Variants in C3orf20 observed in about 807,000 individuals in gnomAD.
C3orf20 encodes family with sequence similarity 149 member C.
Under a neutral mutation model 88.3 loss-of-function variants are expected in C3orf20, and 76 were observed. The observed-to-expected ratio is 0.86, with a 90% CI of 0.72 to 1.04. C3orf20 has a LOEUF of 1.04. Among genes scored for constraint, C3orf20 ranks in the 50% least tolerant of loss-of-function variants. The pLI, the probability that C3orf20 is intolerant of heterozygous loss-of-function variation, is 0.00. For missense variants in C3orf20, 1,056 were observed against 1,123.3 expected (o/e 0.94, Z 0.86); for synonymous variants, 436 against 437.4 (o/e 1.00, Z 0.04).
rs1205548656 is a variant in C3orf20, at chr3:14,719,088, C to T, written c.1435-2565C>T. Among the ~76,000 whole-genome samples the T allele has an allele frequency of 2.0e-5, 3 of 151,240 alleles. No homozygotes were observed. In the East Asian group the frequency reaches 5.8e-4, roughly 29 times the overall value. ...AATTTTGACTCCTCTTCAAAGTCTG[C>T]CTGCATTTGTTCACTCTTCATAGCC... On this transcript the variant is annotated intron_variant, in intron 9 of 16. Coordinates refer to ENST00000253697, the MANE Select transcript of C3orf20 (RefSeq NM_032137.5).
intron 4 of C3orf20, among the ~76,000 whole-genome samples, chr3:14,685,924 C>T (rs768233749): frequency 1.7e-4 from 23 of 135,246 alleles, no homozygotes; most frequent in Non-Finnish European, 2.1e-4. Flanking sequence ...TGCAGTGGCA[C>T]GATCTTGGCT....
chr3:14,703,785 A>G (rs1050192317), intron 6 of C3orf20, among the ~76,000 whole-genome samples: 1 of 152,198 alleles, frequency 6.6e-6, no homozygotes, highest in Non-Finnish European at 1.5e-5. Flanking sequence ...GACCCTTGAC[A>G]TGGGTGATTA....
At chr3:14,677,570 A>T (rs956600053) in intron 1 of C3orf20, among the ~76,000 whole-genome samples, 1 of 151,856 alleles carries the variant, frequency 6.6e-6, no homozygotes, top group African/African-American at 2.4e-5. Flanking sequence ...GCGCGATCTC[A>T]ACTCACTGCA....
Position 14,719,743 on chromosome 3 carries a change from T to C in C3orf20, c.1435-1910T>C, listed in dbSNP as rs538907144. ...AGGATAATAAATGAAAGCTGTACTA[T>C]GCTAAGCTATGAAATCTGCTGAAAT... On this transcript the variant is annotated intron_variant, in intron 9 of 16. Transcript: ENST00000253697. 7.2e-5 allele frequency among the ~76,000 whole-genome samples: 11 copies of C among 152,364 alleles called. No individual in the cohort carries two copies. In the South Asian group the frequency reaches 2.3e-3, roughly 32 times the overall value.
At chr3:14,722,392 C>A in intron 10 of C3orf20, 1 of 441,288 alleles carries the variant, frequency 2.3e-6, no homozygotes. Flanking sequence ...TCATGTCCAT[C>A]CTGGGGGCCA....
At chr3:14,736,360 G>A (rs948189896) in intron 12 of C3orf20, among the ~76,000 whole-genome samples, 6 of 150,368 alleles carry the variant, frequency 4.0e-5, no homozygotes, top group Admixed American at 6.6e-5. Context: ...GCACAATCTC[G>A]GCTCACTGCA....
intron 5 of C3orf20, among the ~76,000 whole-genome samples, chr3:14,695,793 A>C (rs890322260): frequency 6.6e-5 from 10 of 152,092 alleles, no homozygotes; most frequent in African/African-American, 2.4e-4. Context: ...ATTTTGTCTA[A>C]GTATAGCTAC....
intron 8 of C3orf20, among the ~76,000 whole-genome samples, chr3:14,714,576 G>T (rs1054005252): frequency 2.6e-5 from 4 of 152,124 alleles, no homozygotes; most frequent in Non-Finnish European, 4.4e-5. Flanking sequence ...GGTTGATATT[G>T]TCTGGCTTTT....
intron 5 of C3orf20, among the ~76,000 whole-genome samples, chr3:14,700,321 C>T (rs1050812719): frequency 3.9e-5 from 6 of 152,264 alleles, no homozygotes; most frequent in African/African-American, 1.4e-4. Flanking sequence ...TTCTATTTGG[C>T]CATCTTTCCC....
chr3:14,686,461 A>G (rs576258986), intron 4 of C3orf20, among the ~76,000 whole-genome samples: 35 of 152,298 alleles, frequency 2.3e-4, no homozygotes, highest in African/African-American at 8.2e-4. Context: ...GCTGCATACA[A>G]GGGTTTCCTT....
chr3:14,743,615 C>G (rs2034978658), intron 12 of C3orf20, among the ~76,000 whole-genome samples: 1 of 152,032 alleles, frequency 6.6e-6, no homozygotes, highest in East Asian at 1.9e-4. Flanking sequence ...CTGCACTGCC[C>G]TAGCAGAGGT....
At chr3:14,738,949 C>G (rs1343486382) in intron 12 of C3orf20, among the ~76,000 whole-genome samples, 1 of 150,894 alleles carries the variant, frequency 6.6e-6, no homozygotes, top group Admixed American at 6.6e-5. Context: ...AGCCATTGTG[C>G]CCAGCCAATT....
chr3:14,734,450 G>T (rs571960901), intron 12 of C3orf20, among the ~76,000 whole-genome samples: 1 of 151,954 alleles, frequency 6.6e-6, no homozygotes, highest in East Asian at 1.9e-4. Context: ...GTTCTTTCTT[G>T]TCCCGTTGGA....
chr3:14,698,361 G>C (rs759484410), intron 5 of C3orf20, among the ~76,000 whole-genome samples: 4 of 152,238 alleles, frequency 2.6e-5, no homozygotes, highest in South Asian at 2.1e-4. Flanking sequence ...TCTGGGCATT[G>C]AAGAGTTGGG....
chr3:14,759,309 C>T (rs1356435145), intron 13 of C3orf20, among the ~76,000 whole-genome samples: 4 of 152,164 alleles, frequency 2.6e-5, no homozygotes, highest in Non-Finnish European at 5.9e-5. Context: ...GGGAAGACAG[C>T]ACATTGGCTG....
At chr3:14,763,759 T>G (rs2035623620) in intron 15 of C3orf20, among the ~76,000 whole-genome samples, 1 of 152,106 alleles carries the variant, frequency 6.6e-6, no homozygotes, top group Non-Finnish European at 1.5e-5. Flanking sequence ...ACTCACTGTA[T>G]TGGGTTATGG....
intron 15 of C3orf20, among the ~76,000 whole-genome samples, chr3:14,771,231 C>A (rs2035851686): frequency 6.6e-6 from 1 of 152,262 alleles, no homozygotes; most frequent in Non-Finnish European, 1.5e-5. Context: ...GGCACTGAAT[C>A]TGCAGGTTCC....
intron 7 of C3orf20, among the ~76,000 whole-genome samples, chr3:14,712,571 T>G (rs977612713): frequency 2.6e-5 from 4 of 152,190 alleles, no homozygotes; most frequent in Non-Finnish European, 4.4e-5. Context: ...TCCCCCTTTA[T>G]GTTGTTATCA....
chr3:14,739,127 C>A (rs2034824895), intron 12 of C3orf20, among the ~76,000 whole-genome samples: 1 of 152,080 alleles, frequency 6.6e-6, no homozygotes, highest in African/African-American at 2.4e-5. Context: ...ATGGTAAATC[C>A]TTTTCCAAAG....
Sources: gnomAD v4.1 joint callset for allele counts (sites outside exome capture counted in the v4.1 genomes callset) on GRCh38, gnomAD v4.1.1 for gene constraint, MANE v1.5 for transcripts, NCBI Gene and HGNC (gene_info 2026-07-23, HGNC 2026-07-21) for gene names.